The following GTF3C1 variants were observed in gnomAD, a reference collection of about 807,000 sequenced individuals.
The protein encoded by GTF3C1 is general transcription factor 3C polypeptide 1.
GTF3C1 carries 57 observed loss-of-function variants against 226.7 expected under a neutral mutation model. The observed-to-expected ratio is 0.25, with a 90% CI of 0.20 to 0.31. The LOEUF is 0.31. Ranked by LOEUF, GTF3C1 falls within the 10% of genes least tolerant of loss-of-function variation. The probability of loss-of-function intolerance (pLI) is 1.00; values close to 1 mark genes in which losing one functional copy is unlikely to be tolerated. For synonymous variants in GTF3C1, 1,090 were observed against 1,084.8 expected, an observed-to-expected ratio of 1.00 and a Z score of -0.09; for missense variants, 2,217 against 2,776.1, an observed-to-expected ratio of 0.80 and a Z score of 4.53.
In GTF3C1 at chr16:27,463,565, T is replaced by C. The variant is rs373376775; in HGVS notation, c.5900A>G (p.Asn1967Ser). The change falls in exon 35 of 37, where the codon AAC becomes AGC. Residue 1967 changes from asparagine to serine, a missense_variant. Physicochemically the swap from Asn to Ser is conservative, Grantham distance 46. This residue lies in a region of GTF3C1 where 153 missense variants were observed against 199.8 expected (regional missense o/e 0.77). Coordinates refer to ENST00000356183, the MANE Select transcript of GTF3C1 (RefSeq NM_001520.4). This position sits in a 1 kb window ranked among gnomAD's most constrained non-coding sequence, Gnocchi z 4.9. ...RGFTESFGAA[N>S]ISQAARERDC... ...CCTTTCCCGTGCTGCCTGGGAGATG[T>C]TGGCAGCTCCGAAACTCTCTGTGAA... The C allele has an allele frequency of 1.6e-5, 25 of 1,603,690 alleles. No individual in the cohort carries two copies. In the East Asian group the frequency reaches 1.6e-4, roughly 10 times the overall value.
intron 29 of GTF3C1, among the ~76,000 whole-genome samples, chr16:27,473,892 G>A (rs1322650313): frequency 6.6e-6 from 1 of 152,228 alleles, no homozygotes; most frequent in Non-Finnish European, 1.5e-5. Context: ...GAGGGAAGCT[G>A]CATCTCACTC....
rs141586202 is a variant in GTF3C1, at chr16:27,465,491, C to G, written c.5124G>C (p.Thr1708=). ...CCTGGGGGTTTATCAGCTTGGTGAACGTATCAGGGAGGCAGGAGGTTCCCA... is the reference window on the plus strand; with the variant it reads ...CCTGGGGGTTTATCAGCTTGGTGAAGGTATCAGGGAGGCAGGAGGTTCCCA... ...LTMGTSCLPD[T]FTKLINPQEN... is the part of the protein sequence containing the mutation. The change falls in exon 33 of 37, where the codon ACG becomes ACC. Residue 1708 remains threonine (T), a synonymous_variant. Transcript: ENST00000356183. 6.2e-7 allele frequency: 1 copy of G among 1,605,430 alleles called. No individual in the cohort carries two copies. Among genetic ancestry groups the G allele is most frequent in the African/African-American group, 1.3e-5 (1 of 74,902 alleles).
intron 29 of GTF3C1, among the ~76,000 whole-genome samples, chr16:27,476,214 T>G (rs2087947557): frequency 6.6e-6 from 1 of 152,252 alleles, no homozygotes; most frequent in African/African-American, 2.4e-5. Context: ...TGACGATTAT[T>G]CTGCAATGTA....
intron 2 of GTF3C1, among the ~76,000 whole-genome samples, chr16:27,540,402 G>A (rs553273806): frequency 9.9e-5 from 15 of 152,200 alleles, no homozygotes; most frequent in African/African-American, 2.6e-4. Flanking sequence ...AGGTCAGCTG[G>A]GGGAAAAAAG....
rs114671339 is a variant in GTF3C1, at chr16:27,543,689, C to T, written c.431+1625G>A. Among the ~76,000 whole-genome samples, 1,100 of 152,256 alleles carry T rather than the reference C, an allele frequency of 7.2e-3. 21 individuals are homozygous for T. Among genetic ancestry groups the T allele is most frequent in the African/African-American group, 0.025 (1,039 of 41,548 alleles). ...CTTGGATTACTGCTTAGCCCACCAG[C>T]CAACATTTAAGTGGTGGAAGGAAGT... On this transcript the variant is annotated intron_variant, in intron 2 of 36. Transcript: ENST00000356183.
chr16:27,478,637 G>A, intron 27 of GTF3C1, 106 bp from the exon 28 acceptor site: 2 of 818,848 alleles, frequency 2.4e-6, no homozygotes, highest in South Asian at 2.7e-5. Flanking sequence ...GTTGGGAGTG[G>A]GAGAAATGTT....
Position 27,497,760 on chromosome 16 carries a change from C to G in GTF3C1, c.2227G>C (p.Glu743Gln), listed in dbSNP as rs781571195. Residue 743 changes from glutamate (E) to glutamine (Q), a missense_variant, in exon 14 of 37, where the codon GAG becomes CAG. Glu to Gln is a conservative substitution (Grantham distance 29). Coordinates refer to ENST00000356183, the MANE Select transcript of GTF3C1 (RefSeq NM_001520.4). ...GEAEEDSQGKEGPSGSGDSQL... is the reference protein window; with the variant it reads ...GEAEEDSQGKQGPSGSGDSQL... ...GAGTCCCCTGATCCACTTGGGCCCT[C>G]TTTTCCTTGACTGTCTTCTTCTGCC... 6.2e-7 allele frequency: 1 copy of G among 1,614,142 alleles called. No individual in the cohort carries two copies. Among genetic ancestry groups the G allele is most frequent in the South Asian group, 1.1e-5 (1 of 91,090 alleles).
In GTF3C1 at chr16:27,470,732, G is replaced by A. The variant is rs112357632; in HGVS notation, c.4527-337C>T. 1.2e-4 allele frequency: 36 copies of A among 304,708 alleles called. No homozygotes were observed. The highest frequency in any genetic ancestry group is 4.5e-4 in the African/African-American group (21 of 46,962). 18.9% of individuals were successfully genotyped at this position (304,708 alleles called of 1,614,324 possible). On this transcript the variant is annotated intron_variant, in intron 30 of 36. Coordinates refer to ENST00000356183, the MANE Select transcript of GTF3C1 (RefSeq NM_001520.4). This position sits in a 1 kb window ranked among gnomAD's most constrained non-coding sequence, Gnocchi z 4.9. ...CTGCTGAACTAGGGATGGTGAACACGCTTTCTGTAATAATAGTCTCCGCAC... is the reference window on the plus strand; with the variant it reads ...CTGCTGAACTAGGGATGGTGAACACACTTTCTGTAATAATAGTCTCCGCAC...
chr16:27,495,598 G>A (rs1228910893), intron 14 of GTF3C1, 106 bp from the exon 15 acceptor site: 6 of 998,358 alleles, frequency 6.0e-6, no homozygotes, highest in African/African-American at 1.6e-5. Context: ...GGGCCAGAAA[G>A]ATGGCAAATA....
intron 6 of GTF3C1, among the ~76,000 whole-genome samples, chr16:27,523,801 T>C (rs2088787337): frequency 6.6e-6 from 1 of 152,144 alleles, no homozygotes; most frequent in Non-Finnish European, 1.5e-5. Context: ...GGACTCACCA[T>C]GAGCCCAGGT....
intron 5 of GTF3C1, among the ~76,000 whole-genome samples, chr16:27,530,947 C>A (rs2088906783): frequency 6.6e-6 from 1 of 152,212 alleles, no homozygotes; most frequent in African/African-American, 2.4e-5. Context: ...CTCACCACGT[C>A]CTGTTAGTTT....
At position 27,505,997 on chromosome 16, in the gene GTF3C1, T is replaced by C. The variant is rs2088478811; in HGVS notation, c.1672A>G (p.Ser558Gly). 1 of 1,613,080 alleles carries C rather than the reference T, an allele frequency of 6.2e-7. No homozygotes were observed. Among genetic ancestry groups the C allele is most frequent in the Admixed American group, 1.7e-5 (1 of 60,006 alleles). ...AAGGACACGTTGGGTTCTGAGACGC[T>C]GCTGGTATCTAAGAGGCTGTCCCTG... ...ASRDSLLDTS[S>G]VSEPNVSFVS... Residue 558 changes from serine (S) to glycine (G), a missense_variant, in exon 10 of 37, where the codon AGC becomes GGC. By Grantham distance (56) the Ser-to-Gly change is moderately conservative. Transcript: ENST00000356183.
intron 5 of GTF3C1, among the ~76,000 whole-genome samples, chr16:27,532,791 T>C (rs188633129): frequency 2.4e-3 from 363 of 152,194 alleles, no homozygotes; most frequent in African/African-American, 8.4e-3. Flanking sequence ...AGGGGAGAAA[T>C]GGAAGTCAGG....
At chr16:27,530,685 C>T (rs1281512700) in intron 5 of GTF3C1, among the ~76,000 whole-genome samples, 1 of 152,204 alleles carries the variant, frequency 6.6e-6, no homozygotes, top group Non-Finnish European at 1.5e-5. Context: ...TCCTGTGCCT[C>T]CTCCTCACCC....
At position 27,508,213 on chromosome 16, in the gene GTF3C1, G is replaced by A. The variant is rs1344273446; in HGVS notation, c.1242+327C>T. Reference sequence around the variant, plus strand: ...TTTAGTAGAGATAGGGTTTCACCATGTTGGCCAGGCTGGTCTTGAACTTCT... The same window carrying A: ...TTTAGTAGAGATAGGGTTTCACCATATTGGCCAGGCTGGTCTTGAACTTCT... On this transcript the variant is annotated intron_variant, in intron 8 of 36. Transcript: ENST00000356183. Among the ~76,000 whole-genome samples the A allele has an allele frequency of 3.3e-5, 5 of 152,360 alleles. No homozygotes were observed. In the Middle Eastern group the frequency reaches 0.01, roughly 311 times the overall value.
In GTF3C1 at chr16:27,461,988, C is replaced by T. The variant is rs148346830; in HGVS notation, c.6117+306G>A. On this transcript the variant is annotated intron_variant, in intron 36 of 36. Transcript: ENST00000356183. This position sits in a 1 kb window ranked among gnomAD's most constrained non-coding sequence, Gnocchi z 5.3. ...GAGTCAGCCAAGCAGGAAGCAGCTG[C>T]ACCAGGGGGCAGCTGCTTGACCCGT... The T allele has an allele frequency of 3.9e-3, 1,589 of 408,714 alleles. 31 individuals carry two copies. The highest frequency in any genetic ancestry group is 0.028 in the African/African-American group (1,413 of 50,680). The allele number at this position is 408,714 out of a possible 1,614,324, so 25.3% of individuals were successfully genotyped here.
At chr16:27,515,838 C>A (rs1306662368) in intron 6 of GTF3C1, among the ~76,000 whole-genome samples, 3 of 152,188 alleles carry the variant, frequency 2.0e-5, no homozygotes, top group Admixed American at 6.5e-5. Flanking sequence ...ACATGACCAC[C>A]CAGCACTTGC....
chr16:27,501,172 C>T lies in GTF3C1; in HGVS notation c.2061+19G>A, dbSNP rs765476076. ...ACAGCACGAGGCTGGCTCTGGGCAT[C>T]GGGGGAGGCCCTGGTTACCTTCTTC... On this transcript the variant is annotated intron_variant, in intron 12 of 36. Transcript: ENST00000356183. The T allele has an allele frequency of 3.7e-6, 6 of 1,601,814 alleles. No homozygotes were observed. In the African/African-American group the frequency reaches 4.0e-5, roughly 11 times the overall value.
intron 2 of GTF3C1, among the ~76,000 whole-genome samples, chr16:27,544,456 A>G (rs1284401507): frequency 1.3e-5 from 2 of 151,120 alleles, no homozygotes; most frequent in Non-Finnish European, 3.0e-5. Flanking sequence ...GGGTAGAGGG[A>G]GCTGGGCTGG....
Sources: gnomAD v4.1 joint callset for allele counts (sites outside exome capture counted in the v4.1 genomes callset) on GRCh38, gnomAD v4.1.1 for gene constraint, gnomAD v4.1.1 regional missense constraint, Gnocchi (gnomAD v3.1) non-coding constraint, MANE v1.5 for transcripts, NCBI Gene and HGNC (gene_info 2026-07-23, HGNC 2026-07-21) for gene names.